ACTR3B: variants seen among roughly 807,000 people sequenced by gnomAD.
The protein encoded by ACTR3B is actin-related protein 3B.
A neutral mutation model predicts 59.0 loss-of-function variants in ACTR3B; 8 were observed. That is an observed-to-expected ratio of 0.14 (90% CI 0.08 to 0.24). ACTR3B has a LOEUF of 0.24. Ranked by LOEUF, ACTR3B falls within the 10% of genes least tolerant of loss-of-function variation. The probability of loss-of-function intolerance (pLI) is 1.00; values close to 1 mark genes in which losing one functional copy is unlikely to be tolerated. For missense variants in ACTR3B, 245 were observed against 552.3 expected (o/e 0.44, Z 5.58); for synonymous variants, 148 against 197.9 (o/e 0.75, Z 2.12).
intron 1 of ACTR3B, among the ~76,000 whole-genome samples, chr7:152,761,433 GGTA>G (rs2098088932): frequency 6.6e-6 from 1 of 152,134 alleles, no homozygotes; most frequent in Non-Finnish European, 1.5e-5. Flanking sequence ...AGGAATTCTT[GGTA>G]GTAGCAATAA....
chr7:152,796,001 G>T (rs1458059709), intron 2 of ACTR3B, among the ~76,000 whole-genome samples: 2 of 152,154 alleles, frequency 1.3e-5, no homozygotes, highest in East Asian at 3.9e-4. Flanking sequence ...CCGCCCCCAT[G>T]CCTGGCTAAT....
intron 4 of ACTR3B, among the ~76,000 whole-genome samples, chr7:152,806,484 A>G (rs1175024029): frequency 1.3e-5 from 2 of 152,242 alleles, no homozygotes; most frequent in Non-Finnish European, 2.9e-5. Context: ...TATTTTTCTT[A>G]AATAAATTTG....
At chr7:152,848,510 T>G (rs1295285454) in intron 9 of ACTR3B, among the ~76,000 whole-genome samples, 1 of 152,196 alleles carries the variant, frequency 6.6e-6, no homozygotes, top group East Asian at 1.9e-4. Context: ...AAAGCGCCCT[T>G]AGAAATGTCT....
chr7:152,828,494 G>A (rs1344982568), intron 9 of ACTR3B, among the ~76,000 whole-genome samples: 1 of 152,248 alleles, frequency 6.6e-6, no homozygotes, highest in East Asian at 1.9e-4. Flanking sequence ...GCTCCTTAGT[G>A]CGGTGGAGAG....
chr7:152,825,475 C>T (rs1482537353), intron 9 of ACTR3B, among the ~76,000 whole-genome samples: 3 of 151,834 alleles, frequency 2.0e-5, no homozygotes, highest in Admixed American at 6.6e-5. Context: ...CCACACCCAG[C>T]GAATTTTTTT....
chr7:152,821,892 T>C (rs1299397621), intron 7 of ACTR3B, among the ~76,000 whole-genome samples: 1 of 152,136 alleles, frequency 6.6e-6, no homozygotes, highest in Non-Finnish European at 1.5e-5. Context: ...CCTGAGGGAG[T>C]GTGTAACGTG....
intron 6 of ACTR3B, among the ~76,000 whole-genome samples, chr7:152,819,704 G>A (rs1053314000): frequency 7.2e-5 from 11 of 152,102 alleles, no homozygotes; most frequent in African/African-American, 9.7e-5. Context: ...CAAAACCAGT[G>A]CTGTGTGCTC....
intron 1 of ACTR3B, among the ~76,000 whole-genome samples, chr7:152,781,192 G>GTT (rs2098152140): frequency 1.8e-5 from 2 of 113,812 alleles, no homozygotes; most frequent in Non-Finnish European, 3.8e-5. Flanking sequence ...TCGTTTCAGT[G>GTT]GTTTTTTTTT....
chr7:152,829,143 T>C (rs1342281789), intron 9 of ACTR3B, among the ~76,000 whole-genome samples: 1 of 152,048 alleles, frequency 6.6e-6, no homozygotes, highest in Non-Finnish European at 1.5e-5. Flanking sequence ...ATGTACATCG[T>C]GGAATGCTTA....
rs183497873 is a variant in ACTR3B at position 152,767,512 on chromosome 7, C to T, written c.44+7586C>T. On this transcript the variant is annotated intron_variant, in intron 1 of 11. Coordinates refer to ENST00000256001, the MANE Select transcript of ACTR3B (RefSeq NM_020445.6). ...CAAGTGATCTTTGTAATCAGTTTCTCTAGTTCTGGGAGAGAAAGCCTGATG... is the reference window on the plus strand; with the variant it reads ...CAAGTGATCTTTGTAATCAGTTTCTTTAGTTCTGGGAGAGAAAGCCTGATG... Among the ~76,000 whole-genome samples the T allele has an allele frequency of 3.6e-4, 55 of 152,266 alleles. No individual in the cohort carries two copies. The East Asian group carries it at 7.7e-3, about 21-fold the overall frequency.
chr7:152,778,994 G>T (rs867472151), intron 1 of ACTR3B, among the ~76,000 whole-genome samples: 40 of 130,932 alleles, frequency 3.1e-4, no homozygotes, highest in African/African-American at 1.1e-3. Flanking sequence ...AAGGACATAT[G>T]AGTTATTTCT....
rs1200961500 is a variant in ACTR3B at position 152,779,021 on chromosome 7, G to GTAT, written c.45-4163_45-4161dup. On this transcript the variant is annotated intron_variant, in intron 1 of 11. Coordinates refer to ENST00000256001, the MANE Select transcript of ACTR3B (RefSeq NM_020445.6). The stretch of plus-strand genomic sequence containing the variant: ...GTTATTTCTTCTGAACTTCTGACCA[G>GTAT]TATTAAACTTCAGTATTATAGACAT... 4.9e-5 allele frequency among the ~76,000 whole-genome samples: 7 copies of GTAT among 141,846 alleles called. No individual in the cohort carries two copies. The East Asian group carries it at 1.5e-3, about 30-fold the overall frequency. 93.1% of individuals were successfully genotyped at this position (141,846 alleles called of 152,430 possible). A position where few individuals can be genotyped will look rare whatever the true frequency, so the allele number is the denominator to read the frequency against.
intron 2 of ACTR3B, among the ~76,000 whole-genome samples, chr7:152,785,620 C>G (rs1035320781): frequency 1.7e-4 from 23 of 135,656 alleles, no homozygotes; most frequent in Admixed American, 5.2e-4. Flanking sequence ...CCTGGGTCAC[C>G]GTGGACAGTT....
chr7:152,851,197 A>G (rs1357487749), intron 9 of ACTR3B, among the ~76,000 whole-genome samples: 9 of 152,226 alleles, frequency 5.9e-5, no homozygotes, highest in African/African-American at 2.2e-4. Context: ...TAACTACTAA[A>G]GTAGAATAAT....
At chr7:152,810,426 T>TTTGTTG (rs1554442359) in intron 4 of ACTR3B, among the ~76,000 whole-genome samples, 2 of 115,540 alleles carry the variant, frequency 1.7e-5, no homozygotes, top group African/African-American at 3.2e-5. Context: ...TTTTTTTTTT[T>TTTGTTG]TTGTTGTTGT....
chr7:152,817,110 C>T (rs1795758686), intron 6 of ACTR3B, among the ~76,000 whole-genome samples: 2 of 151,752 alleles, frequency 1.3e-5, no homozygotes, highest in African/African-American at 2.4e-5. Flanking sequence ...AAGGGCTGGG[C>T]GCGGTGGCTC....
At chr7:152,780,763 T>C (rs1261095213) in intron 1 of ACTR3B, among the ~76,000 whole-genome samples, 4 of 152,012 alleles carry the variant, frequency 2.6e-5, no homozygotes, top group African/African-American at 9.7e-5. Context: ...AAACTGTCCA[T>C]GGTGCACAGT....
chr7:152,761,067 G>A (rs954452667), intron 1 of ACTR3B, among the ~76,000 whole-genome samples: 21 of 152,306 alleles, frequency 1.4e-4, no homozygotes, highest in African/African-American at 4.8e-4. Context: ...CCTACTGTTA[G>A]TTCCTTCCTT....
chr7:152,828,973 T>C (rs2116896394), intron 9 of ACTR3B, among the ~76,000 whole-genome samples: 1 of 152,182 alleles, frequency 6.6e-6, no homozygotes, highest in East Asian at 1.9e-4. Flanking sequence ...TGAAATATAA[T>C]TTTTAATTTT....
Sources: allele counts gnomAD v4.1 joint callset (sites outside exome capture counted in the v4.1 genomes callset), GRCh38; gene constraint gnomAD v4.1.1; transcripts MANE v1.5; gene names NCBI Gene and HGNC (gene_info 2026-07-23, HGNC 2026-07-21).